The following FAM169A variants were observed in gnomAD, a reference collection of about 807,000 sequenced individuals.
FAM169A encodes soluble lamin-associated protein of 75 kDa.
A neutral mutation model predicts 75.7 loss-of-function variants in FAM169A; 24 were observed. The ratio of observed to expected loss-of-function variants is 0.32; its 90% CI spans 0.23 to 0.45. The LOEUF (loss-of-function observed/expected upper bound fraction) is 0.45, where lower values mean the gene tolerates loss of function less well. Among genes scored for constraint, FAM169A ranks in the 20% least tolerant of loss-of-function variants. The probability of loss-of-function intolerance (pLI) is 1.00; values close to 1 mark genes in which losing one functional copy is unlikely to be tolerated. For missense variants in FAM169A, 673 were observed against 784.0 expected (o/e 0.86, Z 1.69); for synonymous variants, 271 against 271.0 (o/e 1.00, Z 0.00).
chr5:74,781,748 C>T lies in FAM169A; in HGVS notation c.1725G>A (p.Gly575=). 6.2e-7 allele frequency: 1 copy of T among 1,614,020 alleles called. No homozygotes were observed. The highest frequency in any genetic ancestry group is 1.1e-5 in the South Asian group (1 of 91,070). The stretch of plus-strand genomic sequence containing the variant: ...TAGATGTTTCCTGGGGCTCAGATAC[C>T]CCCTCCTCACCCTGGTCTTCCAATG... ...TSSLEDQGEE[G]VSEPQETSTA... The change falls in exon 13 of 13, where the codon GGG becomes GGA. Residue 575 remains glycine, a synonymous_variant. Transcript: ENST00000687041.
intron 8 of FAM169A, among the ~76,000 whole-genome samples, chr5:74,803,631 A>C (rs1039794285): frequency 1.3e-5 from 2 of 151,924 alleles, no homozygotes; most frequent in African/African-American, 2.4e-5. Flanking sequence ...ATCCCCCAAA[A>C]CCCTAGACTT....
chr5:74,783,166 GACATGATT>G, intron 11 of FAM169A, 32 bp from the exon 12 acceptor site: 1 of 1,511,502 alleles, frequency 6.6e-7, no homozygotes, highest in African/African-American at 1.4e-5. Context: ...AAAAAGTAAG[GACATGATT>G]ACAAACTAAC....
intron 10 of FAM169A, among the ~76,000 whole-genome samples, chr5:74,800,335 T>C (rs1413506845): frequency 6.6e-6 from 1 of 152,072 alleles, no homozygotes; most frequent in African/African-American, 2.4e-5. Flanking sequence ...TGGAAAATTG[T>C]CACACTAACT....
chr5:74,807,573 A>C (rs1278065485), intron 6 of FAM169A, among the ~76,000 whole-genome samples: 2 of 152,238 alleles, frequency 1.3e-5, no homozygotes, highest in Non-Finnish European at 2.9e-5. Context: ...ATTTGTACAT[A>C]TGCAAAAAAC....
At chr5:74,866,966 T>C (rs1395834241), upstream of FAM169A, 11 of 983,914 alleles carry the variant, frequency 1.1e-5, no homozygotes, top group African/African-American at 1.7e-5. Flanking sequence ...TTTCACAGTC[T>C]ACAGAAGTCC....
At chr5:74,802,447 C>T (rs1411226838) in intron 8 of FAM169A, among the ~76,000 whole-genome samples, 2 of 151,920 alleles carry the variant, frequency 1.3e-5, no homozygotes, top group African/African-American at 4.8e-5. Flanking sequence ...AAATTCTCAA[C>T]CTATTCAATA....
intron 11 of FAM169A, among the ~76,000 whole-genome samples, chr5:74,791,117 T>A (rs1745952960): frequency 6.6e-6 from 1 of 152,182 alleles, no homozygotes; most frequent in Admixed American, 6.5e-5. Context: ...ATTCTTACCA[T>A]GTTCCCCATC....
chr5:74,805,804 T>C (rs1561298680), intron 6 of FAM169A, among the ~76,000 whole-genome samples: 2 of 151,892 alleles, frequency 1.3e-5, no homozygotes, highest in Non-Finnish European at 2.9e-5. Flanking sequence ...AGTATAAAAA[T>C]ACCAGTTCTC....
rs1750342349 is a variant in FAM169A, at chr5:74,866,304, G to A, written c.-143C>T. 1.0e-6 allele frequency: 1 copy of A among 984,278 alleles called. No homozygotes were observed. Among genetic ancestry groups the A allele is most frequent in the Non-Finnish European group, 1.2e-6 (1 of 829,468 alleles). The allele number at this position is 984,278 out of a possible 1,614,324, so 61.0% of individuals were successfully genotyped here. The stretch of plus-strand genomic sequence containing the variant: ...GCTCGCGGCTGCCAGGGCGAGTGCG[G>A]CTGCCTCCCGCTCGCCCCGGACGCC... On this transcript the variant is annotated 5_prime_UTR_variant, in exon 1 of 13. Coordinates refer to ENST00000687041, the MANE Select transcript of FAM169A (RefSeq NM_001376049.1).
chr5:74,803,333 G>A (rs1746685222), intron 8 of FAM169A, among the ~76,000 whole-genome samples: 1 of 151,950 alleles, frequency 6.6e-6, no homozygotes. Context: ...TAGAACAGGA[G>A]CTTATTCTCA....
intron 1 of FAM169A, among the ~76,000 whole-genome samples, chr5:74,850,855 A>G (rs555091747): frequency 2.6e-5 from 4 of 152,368 alleles, no homozygotes; most frequent in Non-Finnish European, 4.4e-5. Context: ...AAATTCATAA[A>G]ACAGGAAAAA....
rs534357470 is a variant in FAM169A, at chr5:74,799,173, G to A, written c.1103+1707C>T. ...ATGGACACATCACAGATATTGACTG[G>A]GCTCCCAAGCATGACCACATCGTCA... On this transcript the variant is annotated intron_variant, in intron 10 of 12. Coordinates refer to ENST00000687041, the MANE Select transcript of FAM169A (RefSeq NM_001376049.1). 134 of 1,117,508 alleles carry A rather than the reference G, an allele frequency of 1.2e-4. 1 individual carries two copies. The Admixed American group carries it at 1.3e-3, about 11-fold the overall frequency. The allele number at this position is 1,117,508 out of a possible 1,614,324, so 69.2% of individuals were successfully genotyped here. A position where few individuals can be genotyped will look rare whatever the true frequency, so the allele number is the denominator to read the frequency against.
chr5:74,790,653 C>T (rs1050973810), intron 11 of FAM169A, among the ~76,000 whole-genome samples: 1 of 152,152 alleles, frequency 6.6e-6, no homozygotes, highest in Non-Finnish European at 1.5e-5. Flanking sequence ...CCCAGCCGCC[C>T]CTGTCATCAC....
intron 11 of FAM169A, among the ~76,000 whole-genome samples, chr5:74,784,608 A>T (rs1250595545): frequency 0.012 from 9 of 768 alleles, no homozygotes; most frequent in East Asian, 0.11. Flanking sequence ...AACCCAGGCT[A>T]AAAAAAAAAA....
chr5:74,796,076 G>A lies in FAM169A; in HGVS notation c.1214C>T (p.Pro405Leu), dbSNP rs1317614696. 2 of 1,613,846 alleles carry A rather than the reference G, an allele frequency of 1.2e-6. No homozygotes were observed. Among genetic ancestry groups the A allele is most frequent in the South Asian group, 1.1e-5 (1 of 91,058 alleles). The change falls in exon 11 of 13, where the codon CCA becomes CTA. Residue 405 changes from proline (P) to leucine (L), a missense_variant. By Grantham distance (98) the Pro-to-Leu change is moderately conservative. This residue lies in a region of FAM169A where 510 missense variants were observed against 550.9 expected (regional missense o/e 0.93). Coordinates refer to ENST00000687041, the MANE Select transcript of FAM169A (RefSeq NM_001376049.1). ...TTGCTGTGGCTGGGTTTCCAGTGCT[G>A]GCCGTGCATCTCTATCACTGCTTTC... is the stretch of plus-strand genomic sequence containing the variant. ...EDESSDRDAR[P>L]ALETQPQQEK... is the part of the protein sequence containing the mutation.
intron 11 of FAM169A, among the ~76,000 whole-genome samples, chr5:74,791,765 G>C (rs1266546258): frequency 6.6e-6 from 1 of 152,144 alleles, no homozygotes; most frequent in Non-Finnish European, 1.5e-5. Flanking sequence ...TGAAGGTTTG[G>C]GTTACTCCAC....
intron 6 of FAM169A, among the ~76,000 whole-genome samples, chr5:74,806,420 G>A (rs1395180516): frequency 1.3e-5 from 2 of 152,298 alleles, no homozygotes; most frequent in South Asian, 2.1e-4. Context: ...AAGACCTAAT[G>A]TGAAAAACAA....
chr5:74,810,125 C>A (rs1260953315), intron 6 of FAM169A, among the ~76,000 whole-genome samples: 1 of 152,038 alleles, frequency 6.6e-6, no homozygotes, highest in African/African-American at 2.4e-5. Context: ...GAGGAATACT[C>A]AGCAAAATAA....
intron 5 of FAM169A, among the ~76,000 whole-genome samples, chr5:74,815,179 TA>T (rs1169831515): frequency 1.4e-5 from 2 of 144,614 alleles, no homozygotes; most frequent in South Asian, 2.2e-4. Context: ...TAGATATTTT[TA>T]TTTTTTTTCT....
Sources: gnomAD v4.1 joint callset for allele counts (sites outside exome capture counted in the v4.1 genomes callset) on GRCh38, gnomAD v4.1.1 for gene constraint, gnomAD v4.1.1 regional missense constraint, MANE v1.5 for transcripts, NCBI Gene and HGNC (gene_info 2026-07-23, HGNC 2026-07-21) for gene names.